IQCE: variants seen among roughly 807,000 people sequenced by gnomAD.
IQCE encodes the protein IQ motif containing E.
IQCE carries 115 observed loss-of-function variants against 96.0 expected under a neutral mutation model. That is an observed-to-expected ratio of 1.20 (90% CI 1.03 to 1.40). IQCE has a LOEUF of 1.40. Ranked by LOEUF, IQCE falls within the 40% of genes most tolerant of loss-of-function variation. The pLI, the probability that IQCE is intolerant of heterozygous loss-of-function variation, is 0.00. For synonymous variants in IQCE, 412 were observed against 371.2 expected (o/e 1.11, Z -1.26); for missense variants, 1,041 against 909.1 (o/e 1.15, Z -1.87).
At chr7:2,599,072 G>A (rs1403135905) in intron 17 of IQCE, among the ~76,000 whole-genome samples, 1 of 152,158 alleles carries the variant, frequency 6.6e-6, no homozygotes, top group Admixed American at 6.5e-5. Flanking sequence ...CCAGCATTCG[G>A]TCACGGCGGT....
intron 6 of IQCE, 98 bp from the exon 7 acceptor site, chr7:2,578,144 C>A: frequency 2.5e-6 from 2 of 815,340 alleles, no homozygotes; most frequent in Non-Finnish European, 2.0e-6. Context: ...GTGCGGCGTG[C>A]CCGCATTGGC....
rs1289700452 is a variant in IQCE at position 2,613,071 on chromosome 7, A to T, written c.*2909A>T. On this transcript the variant is annotated 3_prime_UTR_variant, in exon 22 of 22. Transcript: ENST00000402050. ...ACTTCAAGAACAGCAGCAAAGCTGT[A>T]TCTGCTATCAGAGGCTGTTAGGTAG... 3.9e-5 allele frequency: 6 copies of T among 152,196 alleles called. No individual in the cohort carries two copies. Among genetic ancestry groups the T allele is most frequent in the Non-Finnish European group, 1.5e-5 (1 of 68,054 alleles). 9.4% of individuals were successfully genotyped at this position (152,196 alleles called of 1,614,324 possible). A position where few individuals can be genotyped will look rare whatever the true frequency, so the allele number is the denominator to read the frequency against.
chr7:2,583,558 G>A (rs906040316), intron 9 of IQCE, 79 bp from the exon 10 acceptor site: 51 of 1,110,622 alleles, frequency 4.6e-5, no homozygotes, highest in Non-Finnish European at 4.1e-5. Flanking sequence ...TCTTCTGAAC[G>A]TTCTGGGAAA....
At chr7:2,592,872 G>C in intron 14 of IQCE, 150 bp from the exon 15 acceptor site, 1 of 777,292 alleles carries the variant, frequency 1.3e-6, no homozygotes, top group South Asian at 2.4e-5. Flanking sequence ...GGCAATGTGT[G>C]ATTAGAAATG....
At chr7:2,571,329 A>G (rs1781739623) in intron 3 of IQCE, 197 bp from the exon 4 acceptor site, 1 of 629,440 alleles carries the variant, frequency 1.6e-6, no homozygotes, top group African/African-American at 1.9e-5. Flanking sequence ...TCATTATGCT[A>G]TTTCTTTATA....
rs906060249 is a variant in IQCE at position 2,569,121 on chromosome 7, C to G, written c.130+122C>G. 10 of 898,516 alleles carry G rather than the reference C, an allele frequency of 1.1e-5. No individual in the cohort carries two copies. In the African/African-American group the frequency reaches 1.7e-4, roughly 15 times the overall value. The allele number at this position is 898,516 out of a possible 1,614,324, so 55.7% of individuals were successfully genotyped here. A position where few individuals can be genotyped will look rare whatever the true frequency, so the allele number is the denominator to read the frequency against. The stretch of plus-strand genomic sequence containing the variant: ...GACCTGACGCCTCAGCCAGTTGGCC[C>G]CATTCCCACTGGGGTCTCCCAGTTC... On this transcript the variant is annotated intron_variant, in intron 3 of 21. Coordinates refer to ENST00000402050, the MANE Select transcript of IQCE (RefSeq NM_152558.5).
intron 15 of IQCE, among the ~76,000 whole-genome samples, chr7:2,593,556 C>T (rs1265088401): frequency 1.3e-5 from 2 of 152,266 alleles, no homozygotes; most frequent in Admixed American, 6.5e-5. Flanking sequence ...CACGCGTAGG[C>T]GCAGAGTGGA....
At chr7:2,578,627 C>G in intron 8 of IQCE, 101 bp downstream of exon 8, 1 of 1,316,876 alleles carries the variant, frequency 7.6e-7, no homozygotes, top group Non-Finnish European at 1.1e-6. Flanking sequence ...GCGTGAAGAG[C>G]AGCAGGCAGG....
At chr7:2,561,790 T>G (rs1189846875) in intron 1 of IQCE, among the ~76,000 whole-genome samples, 1 of 152,220 alleles carries the variant, frequency 6.6e-6, no homozygotes, top group African/African-American at 2.4e-5. Flanking sequence ...TGTTTACTAG[T>G]TTTTTAGTAG....
chr7:2,573,642 A>G (rs529174791), intron 6 of IQCE, among the ~76,000 whole-genome samples, 154 bp downstream of exon 6: 36 of 152,252 alleles, frequency 2.4e-4, no homozygotes, highest in Admixed American at 5.2e-4. Context: ...GTAGTGCCCT[A>G]GGAGCTGGTG....
chr7:2,559,883 C>T (rs1490107926), intron 1 of IQCE, among the ~76,000 whole-genome samples: 2 of 151,790 alleles, frequency 1.3e-5, no homozygotes, highest in Middle Eastern at 3.2e-3. Flanking sequence ...AGCCGTGGCT[C>T]AGGCCGGTAG....
In IQCE at chr7:2,586,333, G is replaced by A. The variant is rs180735566; in HGVS notation, c.950G>A (p.Arg317His). The A allele has an allele frequency of 2.7e-5, 44 of 1,613,626 alleles. No homozygotes were observed. The highest frequency in any genetic ancestry group is 2.3e-4 in the Admixed American group (14 of 60,016). The change falls in exon 12 of 22, where the codon CGC becomes CAC. Residue 317 changes from arginine to histidine, a missense_variant. Arg to His is a conservative substitution (Grantham distance 29). Transcript: ENST00000402050. ...CAGAGCCTGAAGGAGGACCTGGACC[G>A]CGTGCTGAGCACCTCCCCAACCATC... ...ENQSLKEDLDRVLSTSPTISK... is the reference protein window; with the variant it reads ...ENQSLKEDLDHVLSTSPTISK...
intron 20 of IQCE, 47 bp downstream of exon 20, chr7:2,606,044 G>T: frequency 6.4e-7 from 1 of 1,563,268 alleles, no homozygotes. Context: ...GGCACGAGAG[G>T]CTGCCCACCG....
Position 2,614,560 on chromosome 7 carries a change from A to T in IQCE, c.*4398A>T, listed in dbSNP as rs1481687840. On this transcript the variant is annotated 3_prime_UTR_variant, in exon 22 of 22. Coordinates refer to ENST00000402050, the MANE Select transcript of IQCE (RefSeq NM_152558.5). ...AAATGTGAAACTGTCAAGATGGCTT[A>T]GGAGAGGAAGGAGTGGACCCGCTGG... 2 of 152,264 alleles carry T rather than the reference A, an allele frequency of 1.3e-5. No individual in the cohort carries two copies. The highest frequency in any genetic ancestry group is 2.9e-5 in the Non-Finnish European group (2 of 68,050). 9.4% of individuals were successfully genotyped at this position (152,264 alleles called of 1,614,324 possible).
rs962806441 is a variant in IQCE at position 2,594,267 on chromosome 7, C to CA, written c.1350-610dup. Among the ~76,000 whole-genome samples the CA allele has an allele frequency of 5.7e-4, 86 of 150,072 alleles. 1 individual carries two copies. The highest frequency in any genetic ancestry group is 1.4e-3 in the African/African-American group (56 of 40,968). ...AGAGCGAGACTCTGTCTCAAACAAACAAAAAAAAAGAAAACATTTCATTTT... is the reference window on the plus strand; with the variant it reads ...AGAGCGAGACTCTGTCTCAAACAAACAAAAAAAAAAGAAAACATTTCATTTT... On this transcript the variant is annotated intron_variant, in intron 15 of 21. Transcript: ENST00000402050.
chr7:2,563,916 A>AT (rs71026529), intron 1 of IQCE, among the ~76,000 whole-genome samples: 19 of 148,568 alleles, frequency 1.3e-4, no homozygotes, highest in African/African-American at 4.7e-4. Context: ...AAAAAAAAAA[A>AT]TTTCACTCAT....
At chr7:2,595,507 G>T (rs576016265) in intron 16 of IQCE, among the ~76,000 whole-genome samples, 5 of 151,954 alleles carry the variant, frequency 3.3e-5, no homozygotes, top group Non-Finnish European at 7.4e-5. Flanking sequence ...GGTGAGCAGG[G>T]ACCCTAGATG....
At chr7:2,600,708 A>C (rs1413524130) in intron 17 of IQCE, among the ~76,000 whole-genome samples, 3 of 152,212 alleles carry the variant, frequency 2.0e-5, no homozygotes, top group African/African-American at 7.2e-5. Context: ...TAATCTCCCA[A>C]GGGAAAGATC....
chr7:2,585,051 T>TTG (rs975550168), intron 11 of IQCE, among the ~76,000 whole-genome samples: 1 of 151,190 alleles, frequency 6.6e-6, no homozygotes, highest in African/African-American at 2.4e-5. Flanking sequence ...TCATAACATT[T>TTG]TTTTTTTTTT....
Sources: allele counts gnomAD v4.1 joint callset (sites outside exome capture counted in the v4.1 genomes callset), GRCh38; gene constraint gnomAD v4.1.1; transcripts MANE v1.5; gene names NCBI Gene and HGNC (gene_info 2026-07-23, HGNC 2026-07-21).